C16orf46: variants seen among roughly 807,000 people sequenced by gnomAD.
C16orf46 encodes the protein uncharacterized protein C16orf46.
Under a neutral mutation model 5.5 loss-of-function variants are expected in C16orf46, and 7 were observed. The observed-to-expected ratio is 1.28, with a 90% CI of 0.73 to 2.40. The LOEUF is 2.40. C16orf46 is among the 30% of genes most tolerant of loss of function. The pLI, the probability that C16orf46 is intolerant of heterozygous loss-of-function variation, is 0.00. For synonymous variants in C16orf46, 200 were observed against 184.1 expected (o/e 1.09, Z -0.70); for missense variants, 614 against 476.0 (o/e 1.29, Z -2.70).
At chr16:81,073,888 T>C (rs549865814) in intron 1 of C16orf46, among the ~76,000 whole-genome samples, 1 of 152,316 alleles carries the variant, frequency 6.6e-6, no homozygotes, top group South Asian at 2.1e-4. Flanking sequence ...ATCTTGGAAG[T>C]GGGTTCTTCC....
In C16orf46 at chr16:81,061,207, G is replaced by C. The variant is rs147907363; in HGVS notation, c.1142C>G (p.Thr381Arg). Residue 381 changes from threonine to arginine, a missense_variant, in exon 4 of 4, where the codon ACA becomes AGA. Thr to Arg is a moderately conservative substitution (Grantham distance 71). Transcript: ENST00000299578. ...GACAGGAATGATAACTCTGCTCACT[G>C]TGAGAGACGGCAAGACAGGTCTTGG... ...VFPRPVLPSL[T>R]VSRVIIPVST... 2 of 1,613,966 alleles carry C rather than the reference G, an allele frequency of 1.2e-6. No individual in the cohort carries two copies. Among genetic ancestry groups the C allele is most frequent in the East Asian group, 4.5e-5 (2 of 44,870 alleles).
intron 1 of C16orf46, among the ~76,000 whole-genome samples, chr16:81,070,779 C>T (rs1468931916): frequency 1.3e-5 from 2 of 152,116 alleles, no homozygotes; most frequent in Non-Finnish European, 2.9e-5. Flanking sequence ...CCTCCGCCTC[C>T]GAGGTTCAAG....
At chr16:81,062,257 A>AT (rs550734784) in intron 3 of C16orf46, 119 bp from the exon 4 acceptor site, 7 of 803,296 alleles carry the variant, frequency 8.7e-6, no homozygotes, top group Non-Finnish European at 1.2e-5. Flanking sequence ...ATTTTTATTT[A>AT]TTTTTTTACT....
Position 81,062,642 on chromosome 16 carries a change from G to A in C16orf46, c.211-504C>T, listed in dbSNP as rs74030507. The stretch of plus-strand genomic sequence containing the variant: ...TGCTTGGAGAGGCTGGAGGGAGACC[G>A]AGGAGCAGAGGCAGGTCCTGGAATG... On this transcript the variant is annotated intron_variant, in intron 3 of 3. Transcript: ENST00000299578. Among the ~76,000 whole-genome samples the A allele has an allele frequency of 9.1e-3, 1,389 of 152,234 alleles. 26 individuals carry two copies. The highest frequency in any genetic ancestry group is 0.032 in the African/African-American group (1,327 of 41,532).
At chr16:81,074,629 C>T (rs1399467585) in intron 1 of C16orf46, among the ~76,000 whole-genome samples, 2 of 152,080 alleles carry the variant, frequency 1.3e-5, no homozygotes, top group African/African-American at 4.8e-5. Context: ...GTGATCCGCC[C>T]GCCTCAGCCT....
chr16:81,060,999 G>T lies in C16orf46; in HGVS notation c.*162C>A, dbSNP rs1971443691. ...ATCCACTGAGGTTCAGTTTTCTTCAGTTGTACTACAAAAAAAAAATGGAGG... is the reference window on the plus strand; with the variant it reads ...ATCCACTGAGGTTCAGTTTTCTTCATTTGTACTACAAAAAAAAAATGGAGG... On this transcript the variant is annotated 3_prime_UTR_variant, in exon 4 of 4. Transcript: ENST00000299578. 1.4e-6 allele frequency: 2 copies of T among 1,390,554 alleles called. No individual in the cohort carries two copies. Among genetic ancestry groups the T allele is most frequent in the South Asian group, 1.8e-5 (1 of 56,102 alleles). 86.1% of individuals were successfully genotyped at this position (1,390,554 alleles called of 1,614,324 possible). A position where few individuals can be genotyped will look rare whatever the true frequency, so the allele number is the denominator to read the frequency against.
At chr16:81,059,204 C>A (rs1971389769), downstream of C16orf46, among the ~76,000 whole-genome samples, 1 of 149,650 alleles carries the variant, frequency 6.7e-6, no homozygotes, top group South Asian at 2.1e-4. Flanking sequence ...ACCTGTAATA[C>A]AAGCTACTTG....
At chr16:81,073,931 C>T (rs1971940379) in intron 1 of C16orf46, among the ~76,000 whole-genome samples, 1 of 152,182 alleles carries the variant, frequency 6.6e-6, no homozygotes, top group Non-Finnish European at 1.5e-5. Context: ...CTTAGGAGAT[C>T]TTAAACAGAG....
At chr16:81,073,837 C>G (rs1971937198) in intron 1 of C16orf46, among the ~76,000 whole-genome samples, 1 of 152,136 alleles carries the variant, frequency 6.6e-6, no homozygotes, top group Admixed American at 6.6e-5. Context: ...GATCTCAGTT[C>G]TACAACTTCA....
chr16:81,054,167 G>T (rs543871426), intron 3 of C16orf46: 1 of 1,416,852 alleles, frequency 7.1e-7, no homozygotes, highest in Non-Finnish European at 9.9e-7. Context: ...AGAAGTCAAT[G>T]CATCTGAATT....
chr16:81,060,825 T>G, downstream of C16orf46: 1 of 308,726 alleles, frequency 3.2e-6, no homozygotes, highest in Non-Finnish European at 5.3e-6. Flanking sequence ...GCCCTTTGGA[T>G]TCCCCACTTT....
chr16:81,070,433 G>T (rs1971810072), intron 1 of C16orf46, among the ~76,000 whole-genome samples: 1 of 152,168 alleles, frequency 6.6e-6, no homozygotes, highest in South Asian at 2.1e-4. Context: ...TATGGTATTA[G>T]TGAATGAAGA....
rs1039860921 is a variant in C16orf46 at position 81,075,019 on chromosome 16, C to T, written c.-128+2117G>A. Among the ~76,000 whole-genome samples, 11 of 152,260 alleles carry T rather than the reference C, an allele frequency of 7.2e-5. No homozygotes were observed. The South Asian group carries it at 1.0e-3, about 14-fold the overall frequency. On this transcript the variant is annotated intron_variant, in intron 1 of 3. Coordinates refer to ENST00000299578, the MANE Select transcript of C16orf46 (RefSeq NM_152337.3). ...GCCTTCTGTATCTCCATCTACATCACGGATAAAGACGTTGAGAAGGATGGG... is the reference window on the plus strand; with the variant it reads ...GCCTTCTGTATCTCCATCTACATCATGGATAAAGACGTTGAGAAGGATGGG...
intron 3 of C16orf46, 118 bp from the exon 4 acceptor site, chr16:81,062,256 T>A (rs1367721907): frequency 2.3e-6 from 2 of 881,142 alleles, no homozygotes; most frequent in Non-Finnish European, 3.2e-6. Flanking sequence ...TATTTTTATT[T>A]ATTTTTTTAC....
At chr16:81,054,900 G>T (rs531805810) in intron 3 of C16orf46, among the ~76,000 whole-genome samples, 1 of 152,038 alleles carries the variant, frequency 6.6e-6, no homozygotes, top group Non-Finnish European at 1.5e-5. Context: ...CACCCACCTC[G>T]GGCTCCCAAT....
At chr16:81,064,746 C>CAA (rs35014883) in intron 2 of C16orf46, among the ~76,000 whole-genome samples, 4 of 122,240 alleles carry the variant, frequency 3.3e-5, no homozygotes, top group African/African-American at 9.0e-5. Flanking sequence ...GACTCTGTCT[C>CAA]AAAAAAAAAA....
intron 1 of C16orf46, among the ~76,000 whole-genome samples, chr16:81,068,848 C>G (rs1971743227): frequency 1.3e-5 from 2 of 151,902 alleles, no homozygotes. Context: ...ATTCCAGGCG[C>G]ATGCCACCAC....
intron 2 of C16orf46, 117 bp downstream of exon 2, chr16:81,066,076 A>T (rs1177855654): frequency 6.6e-6 from 1 of 151,782 alleles, no homozygotes; most frequent in East Asian, 1.9e-4. Flanking sequence ...TAAGCACTTT[A>T]CTTATGTAAT....
intron 1 of C16orf46, among the ~76,000 whole-genome samples, chr16:81,075,209 T>C (rs372457783): frequency 1.2e-3 from 186 of 152,298 alleles, no homozygotes; most frequent in African/African-American, 4.2e-3. Flanking sequence ...TCTTTTTTTT[T>C]AGAGGAACCT....
Sources: gnomAD v4.1 joint callset for allele counts (sites outside exome capture counted in the v4.1 genomes callset) on GRCh38, gnomAD v4.1.1 for gene constraint, MANE v1.5 for transcripts, NCBI Gene and HGNC (gene_info 2026-07-23, HGNC 2026-07-21) for gene names.